The following MGAT4A variants were observed in gnomAD, a reference collection of about 807,000 sequenced individuals.
MGAT4A encodes the protein alpha-1,3-mannosyl-glycoprotein 4-beta-N-acetylglucosaminyltransferase A, also known as N-acetylglucosaminyltransferase IVa.
Under a neutral mutation model 74.1 loss-of-function variants are expected in MGAT4A, and 33 were observed. That is an observed-to-expected ratio of 0.45 (90% CI 0.34 to 0.60). MGAT4A has a LOEUF of 0.60. Ranked by LOEUF, MGAT4A falls within the 20% of genes least tolerant of loss-of-function variation. The pLI, the probability that MGAT4A is intolerant of heterozygous loss-of-function variation, is 0.02. For synonymous variants in MGAT4A, 198 were observed against 210.4 expected, an observed-to-expected ratio of 0.94 and a Z score of 0.51; for missense variants, 479 against 628.3, an observed-to-expected ratio of 0.76 and a Z score of 2.54.
chr2:98,711,262 G>GAAA lies in MGAT4A; in HGVS notation c.94+14974_94+14976dup, dbSNP rs60628182. On this transcript the variant is annotated intron_variant, in intron 2 of 15. Transcript: ENST00000393487. ...CTCATTAAACTAACAAGTTAATTTG[G>GAAA]AAAAAAAAAAAAAAAAAAGGACCCA... Among the ~76,000 whole-genome samples, 71 of 110,306 alleles carry GAAA rather than the reference G, an allele frequency of 6.4e-4. 2 individuals carry two copies. In the East Asian group the frequency reaches 0.012, roughly 18 times the overall value. 72.4% of individuals were successfully genotyped at this position (110,306 alleles called of 152,430 possible). A position where few individuals can be genotyped will look rare whatever the true frequency, so the allele number is the denominator to read the frequency against.
intron 13 of MGAT4A, 137 bp downstream of exon 13, chr2:98,636,380 A>C (rs76500145): frequency 1.6e-6 from 1 of 607,038 alleles, no homozygotes; most frequent in African/African-American, 1.9e-5. Flanking sequence ...TTCATATTTC[A>C]AAAAAAATTA....
At chr2:98,706,906 A>C (rs1447174292) in intron 2 of MGAT4A, among the ~76,000 whole-genome samples, 1 of 150,982 alleles carries the variant, frequency 6.6e-6, no homozygotes, top group Non-Finnish European at 1.5e-5. Flanking sequence ...AAAAAAAAAA[A>C]AGACTAGAAG....
intron 2 of MGAT4A, among the ~76,000 whole-genome samples, chr2:98,711,904 A>G (rs1440504129): frequency 6.6e-6 from 1 of 152,236 alleles, no homozygotes; most frequent in Admixed American, 6.5e-5. Flanking sequence ...GATTATGGGC[A>G]TGAGTCACCA....
intron 14 of MGAT4A, among the ~76,000 whole-genome samples, chr2:98,631,930 C>T (rs909354397): frequency 1.3e-4 from 20 of 151,742 alleles, no homozygotes; most frequent in African/African-American, 3.9e-4. Flanking sequence ...GCCAACATGG[C>T]GAAACCCCGC....
chr2:98,715,540 A>T (rs1270705684), intron 2 of MGAT4A, among the ~76,000 whole-genome samples: 1 of 152,126 alleles, frequency 6.6e-6, no homozygotes, highest in African/African-American at 2.4e-5. Context: ...TAGCAAACTA[A>T]TGCAGGAACA....
chr2:98,631,637 C>T (rs1208610538), intron 14 of MGAT4A, among the ~76,000 whole-genome samples: 1 of 152,176 alleles, frequency 6.6e-6, no homozygotes, highest in African/African-American at 2.4e-5. Flanking sequence ...CCAGGGCAGT[C>T]GGAGGAGAGC....
intron 4 of MGAT4A, among the ~76,000 whole-genome samples, chr2:98,666,277 C>T (rs1701829292): frequency 6.6e-6 from 1 of 152,120 alleles, no homozygotes; most frequent in African/African-American, 2.4e-5. Flanking sequence ...GCAACTTTCA[C>T]TCAGAACAAC....
rs141394163 is a variant in MGAT4A at position 98,686,222 on chromosome 2, T to C, written c.95-7751A>G. 5.1e-3 allele frequency among the ~76,000 whole-genome samples: 781 copies of C among 152,240 alleles called. 2 individuals carry two copies. Among genetic ancestry groups the C allele is most frequent in the Non-Finnish European group, 9.0e-3 (611 of 68,006 alleles). On this transcript the variant is annotated intron_variant, in intron 2 of 15. Coordinates refer to ENST00000393487, the MANE Select transcript of MGAT4A (RefSeq NM_012214.3). ...ACCCTTCTAAATTCAAAAGGGAAAA[T>C]GGGGCTCATAGATATACAGGATCAT...
At chr2:98,643,654 T>C (rs1338021729) in intron 10 of MGAT4A, among the ~76,000 whole-genome samples, 4 of 152,164 alleles carry the variant, frequency 2.6e-5, no homozygotes, top group Non-Finnish European at 4.4e-5. Flanking sequence ...AACATCTACA[T>C]CCAATGTTAG....
chr2:98,722,615 G>T (rs1372978219), intron 2 of MGAT4A, among the ~76,000 whole-genome samples: 1 of 152,196 alleles, frequency 6.6e-6, no homozygotes, highest in Non-Finnish European at 1.5e-5. Context: ...CTCTAAAATT[G>T]ACTGTGGTGA....
chr2:98,684,866 A>C (rs1480087066), intron 2 of MGAT4A, among the ~76,000 whole-genome samples: 1 of 152,218 alleles, frequency 6.6e-6, no homozygotes, highest in Non-Finnish European at 1.5e-5. Context: ...CAAAAGTTAA[A>C]CCCACTCTTT....
intron 3 of MGAT4A, among the ~76,000 whole-genome samples, chr2:98,675,424 G>A (rs1400314701): frequency 1.3e-5 from 2 of 152,142 alleles, no homozygotes; most frequent in Non-Finnish European, 2.9e-5. Context: ...GTAAGAAGGT[G>A]GGATGCTAAG....
chr2:98,650,675 G>T (rs1701562782), intron 8 of MGAT4A, among the ~76,000 whole-genome samples: 1 of 152,190 alleles, frequency 6.6e-6, no homozygotes, highest in Non-Finnish European at 1.5e-5. Flanking sequence ...AGAAGGCCAG[G>T]CGCGGTGGCT....
Position 98,620,220 on chromosome 2 carries a change from TAAAG to T in MGAT4A, c.*5342_*5345del, listed in dbSNP as rs1381663510. 2 of 152,228 alleles carry T rather than the reference TAAAG, an allele frequency of 1.3e-5. No individual in the cohort carries two copies. Among genetic ancestry groups the T allele is most frequent in the East Asian group, 3.8e-4 (2 of 5,200 alleles). The allele number at this position is 152,228 out of a possible 1,614,324, so 9.4% of individuals were successfully genotyped here. A position where few individuals can be genotyped will look rare whatever the true frequency, so the allele number is the denominator to read the frequency against. On this transcript the variant is annotated 3_prime_UTR_variant, in exon 16 of 16. Coordinates refer to ENST00000393487, the MANE Select transcript of MGAT4A (RefSeq NM_012214.3). ...TTTAGCATTGTATGATCACATGCAT[TAAAG>T]AAAGTAAGCATACTAGTTATCGTAG...
At chr2:98,675,854 A>T (rs1385048479) in intron 3 of MGAT4A, among the ~76,000 whole-genome samples, 1 of 152,200 alleles carries the variant, frequency 6.6e-6, no homozygotes, top group Non-Finnish European at 1.5e-5. Context: ...ATGCTCAACC[A>T]TTCACTTTCT....
chr2:98,695,643 A>G (rs62158015), intron 2 of MGAT4A, among the ~76,000 whole-genome samples: 35,973 of 151,878 alleles, frequency 0.24, 5,030 homozygotes, highest in Non-Finnish European at 0.32. Flanking sequence ...CTTTGAGAAA[A>G]CCTGATTCCC....
intron 14 of MGAT4A, among the ~76,000 whole-genome samples, chr2:98,627,782 C>T (rs1228182468): frequency 1.3e-5 from 2 of 152,170 alleles, no homozygotes; most frequent in African/African-American, 2.4e-5. Context: ...AAATCTCTAC[C>T]ACTGCTAAGC....
intron 2 of MGAT4A, among the ~76,000 whole-genome samples, chr2:98,692,933 CTACA>C (rs1376720685): frequency 6.6e-6 from 1 of 152,042 alleles, no homozygotes; most frequent in Non-Finnish European, 1.5e-5. Flanking sequence ...ACACATAAAC[CTACA>C]TAAAGATTCA....
intron 8 of MGAT4A, among the ~76,000 whole-genome samples, chr2:98,652,470 A>G (rs995336226): frequency 6.6e-6 from 1 of 151,810 alleles, no homozygotes; most frequent in Middle Eastern, 3.4e-3. Flanking sequence ...AGCTGGGACT[A>G]CTAGGCGCCC....
Sources: allele counts gnomAD v4.1 joint callset (sites outside exome capture counted in the v4.1 genomes callset), GRCh38; gene constraint gnomAD v4.1.1; transcripts MANE v1.5; gene names NCBI Gene and HGNC (gene_info 2026-07-23, HGNC 2026-07-21).